The following N4BP2 variants were observed in gnomAD, a reference collection of about 807,000 sequenced individuals.
N4BP2 encodes the protein NEDD4-binding protein 2.
A neutral mutation model predicts 152.8 loss-of-function variants in N4BP2; 91 were observed. The observed-to-expected ratio is 0.60, with a 90% confidence interval of 0.50 to 0.71. N4BP2 has a LOEUF of 0.71. N4BP2 is among the 30% of genes least tolerant of loss of function. The pLI, the probability that N4BP2 is intolerant of heterozygous loss-of-function variation, is 0.00. For missense variants in N4BP2, 1,923 were observed against 2,059.1 expected (o/e 0.93, Z 1.28); for synonymous variants, 646 against 705.3 (o/e 0.92, Z 1.33).
chr4:40,162,866 C>G (rs1166822596), downstream of N4BP2, among the ~76,000 whole-genome samples: 2 of 152,174 alleles, frequency 1.3e-5, no homozygotes, highest in Admixed American at 1.3e-4. Context: ...AAGTACAAGT[C>G]TGAAGGCCAC....
chr4:40,113,812 G>A (rs1412022449), intron 7 of N4BP2, among the ~76,000 whole-genome samples: 14 of 152,006 alleles, frequency 9.2e-5, no homozygotes, highest in Non-Finnish European at 1.9e-4. Context: ...GGCTGGTCTT[G>A]AACTCCTGGC....
chr4:40,072,160 C>T (rs11934650), intron 1 of N4BP2, among the ~76,000 whole-genome samples: 2,589 of 151,414 alleles, frequency 0.017, 92 homozygotes, highest in African/African-American at 0.059. Context: ...CTGCAATCTC[C>T]GCCTTCCGGG....
chr4:40,094,574 A>G (rs1714930648), intron 2 of N4BP2, among the ~76,000 whole-genome samples: 1 of 151,704 alleles, frequency 6.6e-6, no homozygotes, highest in African/African-American at 2.4e-5. Context: ...TTTATTTTTG[A>G]GATGGAGTTT....
At chr4:40,125,506 A>G (rs565177684) in intron 11 of N4BP2, among the ~76,000 whole-genome samples, 3 of 152,114 alleles carry the variant, frequency 2.0e-5, no homozygotes, top group Non-Finnish European at 2.9e-5. Context: ...AACTTCCTCT[A>G]TTTACCAGTG....
chr4:40,133,616 G>A (rs766890412), intron 13 of N4BP2, among the ~76,000 whole-genome samples: 21 of 152,232 alleles, frequency 1.4e-4, no homozygotes, highest in Non-Finnish European at 2.2e-4. Context: ...GATTACAGGC[G>A]TGAGCCACCT....
intron 13 of N4BP2, among the ~76,000 whole-genome samples, chr4:40,133,961 A>G (rs769378230): frequency 1.3e-5 from 2 of 152,008 alleles, no homozygotes; most frequent in African/African-American, 2.4e-5. Context: ...ACGTGCCACC[A>G]CGCCTGGCTA....
Position 40,120,072 on chromosome 4 carries a change from C to A in N4BP2, c.1961C>A (p.Ser654Tyr). 6.2e-7 allele frequency: 1 copy of A among 1,611,682 alleles called. No individual in the cohort carries two copies. The highest frequency in any genetic ancestry group is 1.1e-5 in the South Asian group (1 of 90,900). The change falls in exon 9 of 18, where the codon TCT (serine) becomes TAT (tyrosine). Residue 654 changes from serine to tyrosine, a missense_variant. Physicochemically the swap from Ser to Tyr is moderately radical, Grantham distance 144. Coordinates refer to ENST00000261435, the MANE Select transcript of N4BP2 (RefSeq NM_018177.6). ...TMLPENVAYL[S>Y]NADLNKRRKE... ...TTACCTGAGAATGTTGCATATCTCT[C>A]TAATGCAGATTTAAACAAAAGAAGA...
At chr4:40,131,182 TG>T (rs764320774) in intron 12 of N4BP2, among the ~76,000 whole-genome samples, 53 of 152,174 alleles carry the variant, frequency 3.5e-4, no homozygotes, top group Non-Finnish European at 7.5e-4. Flanking sequence ...TGAGGACCCA[TG>T]GGGAAATTTC....
intron 2 of N4BP2, among the ~76,000 whole-genome samples, chr4:40,085,207 G>A (rs552605363): frequency 7.6e-4 from 116 of 151,670 alleles, no homozygotes; most frequent in African/African-American, 2.8e-3. Context: ...TACCACACCC[G>A]GCCAATTTAT....
chr4:40,082,620 CTG>C (rs1713499204), intron 2 of N4BP2, among the ~76,000 whole-genome samples: 1 of 152,050 alleles, frequency 6.6e-6, no homozygotes, highest in African/African-American at 2.4e-5. Flanking sequence ...GAGTGAGACT[CTG>C]TCTCCAAAAT....
chr4:40,060,706 G>A (rs1227410078), intron 1 of N4BP2, among the ~76,000 whole-genome samples: 2 of 151,572 alleles, frequency 1.3e-5, no homozygotes, highest in African/African-American at 2.4e-5. Flanking sequence ...GGGCTCAAGG[G>A]ATCCTCTTGC....
At chr4:40,131,363 T>C (rs1230298621) in intron 12 of N4BP2, among the ~76,000 whole-genome samples, 1 of 152,238 alleles carries the variant, frequency 6.6e-6, no homozygotes, top group Non-Finnish European at 1.5e-5. Flanking sequence ...CATGCATTTA[T>C]ATACTAATAC....
chr4:40,126,931 G>T (rs1302635528), intron 12 of N4BP2, among the ~76,000 whole-genome samples: 1 of 150,140 alleles, frequency 6.7e-6, no homozygotes, highest in Non-Finnish European at 1.5e-5. Context: ...CTAATTTTTA[G>T]TAATTTTAGT....
chr4:40,098,452 G>A (rs935879638), intron 3 of N4BP2, among the ~76,000 whole-genome samples: 8 of 152,158 alleles, frequency 5.3e-5, no homozygotes, highest in African/African-American at 1.9e-4. Flanking sequence ...TTAGAAGTAT[G>A]TAGACAGAAG....
chr4:40,085,055 G>C (rs1281848335), intron 2 of N4BP2, among the ~76,000 whole-genome samples: 1 of 151,812 alleles, frequency 6.6e-6, no homozygotes, highest in East Asian at 1.9e-4. Context: ...TGGGATTACA[G>C]GTGCCCACTA....
At chr4:40,163,740 C>T in the N4BP2 span, among the ~76,000 whole-genome samples, 1 of 152,242 alleles carries the variant, frequency 6.6e-6, no homozygotes, top group Non-Finnish European at 1.5e-5. Context: ...CCTGAATTAA[C>T]TAACCCTGGA....
At chr4:40,123,496 T>C (rs1341795417) in intron 10 of N4BP2, among the ~76,000 whole-genome samples, 1 of 152,178 alleles carries the variant, frequency 6.6e-6, no homozygotes, top group African/African-American at 2.4e-5. Context: ...ATATCTTTTT[T>C]CTATTTTAGA....
intron 16 of N4BP2, among the ~76,000 whole-genome samples, chr4:40,147,673 G>C (rs1720708713): frequency 6.7e-6 from 1 of 150,118 alleles, no homozygotes; most frequent in African/African-American, 2.5e-5. Context: ...CGGCTGGCCG[G>C]GTGGGGGCTG....
At position 40,154,190 on chromosome 4, in the gene N4BP2, A is replaced by G; in HGVS notation, c.5268-2A>G. The G allele has an allele frequency of 6.3e-7, 1 of 1,596,852 alleles. No individual in the cohort carries two copies. On this transcript the variant is annotated splice_acceptor_variant, in intron 17 of 17. Transcript: ENST00000261435. LOFTEE classifies it high-confidence loss of function. ...AAAATAACTCTTTTCTCATTTCTGC[A>G]GGTTCTCTGAAATTAAACCAGGGTG... is the stretch of plus-strand genomic sequence containing the variant.
Sources: allele counts gnomAD v4.1 joint callset (sites outside exome capture counted in the v4.1 genomes callset), GRCh38; gene constraint gnomAD v4.1.1; transcripts MANE v1.5; gene names NCBI Gene and HGNC (gene_info 2026-07-23, HGNC 2026-07-21).